Variants in NCALD observed in about 807,000 individuals in gnomAD.
NCALD encodes neurocalcin-delta.
Under a neutral mutation model 18.6 loss-of-function variants are expected in NCALD, and 10 were observed. The observed-to-expected ratio is 0.54, with a 90% CI of 0.33 to 0.91. The LOEUF (loss-of-function observed/expected upper bound fraction) is 0.91. Among genes scored for constraint, NCALD ranks in the 40% least tolerant of loss-of-function variants. The probability of loss-of-function intolerance (pLI) is 0.03; values close to 1 mark genes in which losing one functional copy is unlikely to be tolerated. For missense variants in NCALD, 184 were observed against 247.6 expected, an observed-to-expected ratio of 0.74 and a Z score of 1.72; for synonymous variants, 88 against 87.4, an observed-to-expected ratio of 1.01 and a Z score of -0.04.
intron 1 of NCALD, among the ~76,000 whole-genome samples, chr8:102,024,910 C>A (rs1050488775): frequency 1.3e-5 from 2 of 152,204 alleles, no homozygotes; most frequent in African/African-American, 4.8e-5. Flanking sequence ...CATATTCCAG[C>A]CTTGTCAAGT....
intron 2 of NCALD, among the ~76,000 whole-genome samples, chr8:102,002,934 T>C (rs1264349011): frequency 6.6e-6 from 1 of 151,868 alleles, no homozygotes. Flanking sequence ...AGGAAAGATC[T>C]AAAATTGACA....
intron 1 of NCALD, among the ~76,000 whole-genome samples, chr8:101,757,720 C>G (rs1353382100): frequency 6.6e-6 from 1 of 151,842 alleles, no homozygotes; most frequent in African/African-American, 2.4e-5. Flanking sequence ...TCCCCTTTCT[C>G]TATCCCTGTA....
At chr8:102,015,566 A>G (rs943989257) in intron 2 of NCALD, among the ~76,000 whole-genome samples, 7 of 152,232 alleles carry the variant, frequency 4.6e-5, no homozygotes, top group Admixed American at 3.9e-4. Flanking sequence ...CATCCATGTA[A>G]GATACAGAAA....
intron 1 of NCALD, among the ~76,000 whole-genome samples, chr8:101,787,427 T>G (rs1586504712): frequency 6.6e-6 from 1 of 152,184 alleles, no homozygotes; most frequent in East Asian, 1.9e-4. Flanking sequence ...AACAACAGCT[T>G]GTGCAAAATG....
chr8:101,873,567 G>A (rs1330609568), intron 4 of NCALD, among the ~76,000 whole-genome samples: 2 of 152,200 alleles, frequency 1.3e-5, no homozygotes, highest in African/African-American at 4.8e-5. Flanking sequence ...TAAAGAAGGA[G>A]TGGTTTAAAG....
chr8:102,045,813 A>C (rs1323715643), intron 1 of NCALD, among the ~76,000 whole-genome samples: 3 of 152,184 alleles, frequency 2.0e-5, no homozygotes, highest in Non-Finnish European at 4.4e-5. Flanking sequence ...TGACCCACTA[A>C]ACTGATTCCA....
At chr8:101,871,023 A>T (rs1815995944) in intron 4 of NCALD, among the ~76,000 whole-genome samples, 1 of 152,046 alleles carries the variant, frequency 6.6e-6, no homozygotes. Context: ...CCAAAACCTT[A>T]TTATAAATAT....
At chr8:102,115,851 G>A (rs946657652) in intron 1 of NCALD, among the ~76,000 whole-genome samples, 13 of 152,156 alleles carry the variant, frequency 8.5e-5, no homozygotes, top group African/African-American at 2.9e-4. Flanking sequence ...ACCAGTGGCA[G>A]CTCTTTTTCC....
At chr8:102,010,535 T>G (rs758053712) in intron 2 of NCALD, among the ~76,000 whole-genome samples, 15 of 152,184 alleles carry the variant, frequency 9.9e-5, no homozygotes, top group Non-Finnish European at 1.5e-4. Context: ...AATATAAACA[T>G]GAGAATAAGT....
intron 2 of NCALD, among the ~76,000 whole-genome samples, chr8:101,712,886 C>T (rs1370937972): frequency 1.3e-5 from 2 of 152,098 alleles, no homozygotes; most frequent in Non-Finnish European, 2.9e-5. Flanking sequence ...AGAAAATTAA[C>T]CAGGATATTC....
intron 2 of NCALD, among the ~76,000 whole-genome samples, chr8:101,973,827 T>C (rs1248195443): frequency 1.3e-5 from 2 of 152,190 alleles, no homozygotes; most frequent in Non-Finnish European, 2.9e-5. Context: ...CCAGGTAACA[T>C]CTGAGTTACA....
At chr8:101,774,409 T>C (rs566598520) in intron 1 of NCALD, among the ~76,000 whole-genome samples, 1 of 152,200 alleles carries the variant, frequency 6.6e-6, no homozygotes, top group Non-Finnish European at 1.5e-5. Flanking sequence ...CCCTTGTGCA[T>C]AGTTCATTAA....
chr8:101,904,338 T>C (rs1186521409), intron 3 of NCALD, among the ~76,000 whole-genome samples: 1 of 152,080 alleles, frequency 6.6e-6, no homozygotes, highest in Non-Finnish European at 1.5e-5. Context: ...TGCACTCTCA[T>C]AGCACAGTCT....
chr8:101,992,507 T>C (rs1821085221), intron 2 of NCALD, among the ~76,000 whole-genome samples: 1 of 152,212 alleles, frequency 6.6e-6, no homozygotes, highest in African/African-American at 2.4e-5. Flanking sequence ...AGAGGTCAAC[T>C]GTGCTGGTCC....
At chr8:102,058,396 T>C (rs1016503084) in intron 1 of NCALD, among the ~76,000 whole-genome samples, 1 of 152,184 alleles carries the variant, frequency 6.6e-6, no homozygotes, top group African/African-American at 2.4e-5. Flanking sequence ...TAATAAAAAC[T>C]AGGAAAAGAA....
intron 2 of NCALD, among the ~76,000 whole-genome samples, chr8:102,005,923 T>C (rs1490135252): frequency 6.6e-6 from 1 of 151,532 alleles, no homozygotes; most frequent in Non-Finnish European, 1.5e-5. Flanking sequence ...GAGATATACC[T>C]AATGTAAATG....
At chr8:101,806,622 A>C (rs1455259272) in intron 4 of NCALD, among the ~76,000 whole-genome samples, 1 of 152,158 alleles carries the variant, frequency 6.6e-6, no homozygotes, top group South Asian at 2.1e-4. Context: ...GGAAAAAAGA[A>C]TGAGTGAGGC....
chr8:101,820,317 G>A (rs968049688), intron 4 of NCALD, among the ~76,000 whole-genome samples: 4 of 152,180 alleles, frequency 2.6e-5, no homozygotes, highest in Non-Finnish European at 5.9e-5. Context: ...GCATTGAACA[G>A]TACCTGGCAC....
At chr8:101,845,604 C>T (rs1057252116) in intron 4 of NCALD, among the ~76,000 whole-genome samples, 3 of 152,150 alleles carry the variant, frequency 2.0e-5, no homozygotes, top group African/African-American at 7.2e-5. Context: ...TACAGGCATA[C>T]AACGTGTCAT....
Sources: gnomAD v4.1 joint callset for allele counts (sites outside exome capture counted in the v4.1 genomes callset) on GRCh38, gnomAD v4.1.1 for gene constraint, MANE v1.5 for transcripts, NCBI Gene and HGNC (gene_info 2026-07-23, HGNC 2026-07-21) for gene names.